The following PTPRD variants were observed in gnomAD, a reference collection of about 807,000 sequenced individuals.
PTPRD encodes protein tyrosine phosphatase receptor type D, also known as receptor-type tyrosine-protein phosphatase delta.
A neutral mutation model predicts 214.5 loss-of-function variants in PTPRD; 34 were observed. The observed-to-expected ratio is 0.16, with a 90% CI of 0.12 to 0.21. PTPRD has a LOEUF of 0.21. Among genes scored for constraint, PTPRD ranks in the 10% least tolerant of loss-of-function variants. PTPRD has a pLI of 1.00. For missense variants in PTPRD, 2,545 were observed against 2,398.7 expected (o/e 1.06, Z -1.27); for synonymous variants, 1,128 against 845.7 (o/e 1.33, Z -5.79).
rs563267706 is a variant in PTPRD, at chr9:9,158,050, G to A, written c.-143+25254C>T. On this transcript the variant is annotated intron_variant, in intron 10 of 45. Transcript: ENST00000381196. Reference sequence around the variant, plus strand: ...ATGTCCCTGCAAAGGACGTGATCTCGTTCCTTTTCATGGCTGCATAGTATT... The same window carrying A: ...ATGTCCCTGCAAAGGACGTGATCTCATTCCTTTTCATGGCTGCATAGTATT... Among the ~76,000 whole-genome samples the A allele has an allele frequency of 8.3e-4, 126 of 152,192 alleles. 1 individual carries two copies. Among genetic ancestry groups the A allele is most frequent in the African/African-American group, 2.7e-3 (114 of 41,538 alleles).
At chr9:10,456,065 T>C (rs1390535460) in intron 2 of PTPRD, among the ~76,000 whole-genome samples, 1 of 151,888 alleles carries the variant, frequency 6.6e-6, no homozygotes, top group Non-Finnish European at 1.5e-5. Context: ...AGAAGTCTTG[T>C]AGTCTTTGTC....
At chr9:9,443,444 C>A (rs779763582) in intron 8 of PTPRD, among the ~76,000 whole-genome samples, 1 of 152,136 alleles carries the variant, frequency 6.6e-6, no homozygotes, top group Non-Finnish European at 1.5e-5. Flanking sequence ...TGTTTTTGGT[C>A]GCTTTGAATC....
chr9:9,036,315 T>A (rs1248897190), intron 10 of PTPRD, among the ~76,000 whole-genome samples: 2 of 151,652 alleles, frequency 1.3e-5, no homozygotes. Flanking sequence ...GAGGAAGAAT[T>A]TAAGACAGCT....
chr9:9,773,467 C>A (rs191760191), intron 5 of PTPRD, among the ~76,000 whole-genome samples: 2 of 152,264 alleles, frequency 1.3e-5, no homozygotes, highest in East Asian at 3.9e-4. Flanking sequence ...CTTCCCCTTT[C>A]TCATTTGGAG....
At chr9:10,097,818 G>C (rs2098507191) in intron 3 of PTPRD, among the ~76,000 whole-genome samples, 1 of 151,852 alleles carries the variant, frequency 6.6e-6, no homozygotes, top group Non-Finnish European at 1.5e-5. Flanking sequence ...TGTTGTGCCA[G>C]TTTTCAAAGG....
At chr9:8,799,326 A>G (rs1337467655) in intron 11 of PTPRD, among the ~76,000 whole-genome samples, 2 of 152,220 alleles carry the variant, frequency 1.3e-5, no homozygotes, top group African/African-American at 4.8e-5. Context: ...TAGTTGGTAT[A>G]AGAAAGAATC....
chr9:8,396,116 ACTCAGATG>A (rs2091088005), intron 36 of PTPRD, among the ~76,000 whole-genome samples: 1 of 150,508 alleles, frequency 6.6e-6, no homozygotes, highest in Non-Finnish European at 1.5e-5. Context: ...TGTAGGAAAC[ACTCAGATG>A]CTCAGTCTCC....
intron 10 of PTPRD, among the ~76,000 whole-genome samples, chr9:9,178,827 A>G: frequency 6.6e-6 from 1 of 152,086 alleles, no homozygotes; most frequent in Middle Eastern, 3.2e-3. Context: ...ATGCTCTGGG[A>G]ACATCCTGCT....
intron 8 of PTPRD, among the ~76,000 whole-genome samples, chr9:9,401,768 T>C (rs2070660816): frequency 6.6e-6 from 1 of 152,036 alleles, no homozygotes; most frequent in Admixed American, 6.6e-5. Flanking sequence ...TGGTTACCTC[T>C]ATGCTGCTGT....
chr9:10,118,361 T>G (rs2098748200), intron 3 of PTPRD, among the ~76,000 whole-genome samples: 3 of 151,566 alleles, frequency 2.0e-5, no homozygotes, highest in Admixed American at 2.0e-4. Context: ...TTGGCAATCA[T>G]GCCAAAAGAA....
chr9:8,657,740 G>T (rs1596258712), intron 12 of PTPRD, among the ~76,000 whole-genome samples: 1 of 152,054 alleles, frequency 6.6e-6, no homozygotes, highest in African/African-American at 2.4e-5. Context: ...ACTAAGGAAA[G>T]CATACATTTT....
intron 10 of PTPRD, among the ~76,000 whole-genome samples, chr9:9,153,348 T>C (rs1188430121): frequency 3.3e-5 from 5 of 152,208 alleles, no homozygotes; most frequent in Non-Finnish European, 7.3e-5. Flanking sequence ...TTCTTGGCGC[T>C]GTATACGATA....
intron 3 of PTPRD, among the ~76,000 whole-genome samples, chr9:10,186,663 G>C (rs2099331433): frequency 1.3e-5 from 2 of 152,208 alleles, no homozygotes; most frequent in South Asian, 2.1e-4. Context: ...TAAAAATGCA[G>C]TATCGGGAAT....
intron 5 of PTPRD, among the ~76,000 whole-genome samples, chr9:9,773,848 G>A (rs1041574070): frequency 6.6e-6 from 1 of 150,744 alleles, no homozygotes; most frequent in Admixed American, 6.6e-5. Flanking sequence ...AAATCTTGGG[G>A]AAAAAAAAAG....
At chr9:9,724,684 T>C (rs907705235) in intron 7 of PTPRD, among the ~76,000 whole-genome samples, 8 of 152,158 alleles carry the variant, frequency 5.3e-5, no homozygotes, top group Admixed American at 3.9e-4. Context: ...ATAAAAATGA[T>C]AGACAACACT....
intron 3 of PTPRD, among the ~76,000 whole-genome samples, chr9:10,195,443 A>G (rs1198103164): frequency 6.6e-6 from 1 of 152,064 alleles, no homozygotes; most frequent in Non-Finnish European, 1.5e-5. Flanking sequence ...TGTCCATGTG[A>G]CTGTTTTCTG....
chr9:8,756,372 T>C (rs2093988350), intron 11 of PTPRD, among the ~76,000 whole-genome samples: 1 of 152,352 alleles, frequency 6.6e-6, no homozygotes, highest in African/African-American at 2.4e-5. Context: ...TTAAATATTG[T>C]TAAACATGCA....
chr9:10,226,949 T>C (rs1210940078), intron 3 of PTPRD, among the ~76,000 whole-genome samples: 1 of 152,034 alleles, frequency 6.6e-6, no homozygotes, highest in African/African-American at 2.4e-5. Context: ...AAGAAATAGA[T>C]ACAAGGAATA....
intron 10 of PTPRD, among the ~76,000 whole-genome samples, chr9:9,154,601 T>C (rs2099879640): frequency 6.6e-6 from 1 of 152,204 alleles, no homozygotes; most frequent in African/African-American, 2.4e-5. Flanking sequence ...ATTACATGAA[T>C]TTTAATGGGA....
Sources: gnomAD v4.1 joint callset for allele counts (sites outside exome capture counted in the v4.1 genomes callset) on GRCh38, gnomAD v4.1.1 for gene constraint, MANE v1.5 for transcripts, NCBI Gene and HGNC (gene_info 2026-07-23, HGNC 2026-07-21) for gene names.